Variants in SUFU observed in about 807,000 individuals in gnomAD.
The protein encoded by SUFU is suppressor of fused homolog.
SUFU carries 7 observed loss-of-function variants against 58.9 expected under a neutral mutation model. The observed-to-expected ratio is 0.12, with a 90% CI of 0.07 to 0.22. The LOEUF (loss-of-function observed/expected upper bound fraction) is 0.22, where lower values mean the gene tolerates loss of function less well. SUFU is among the 10% of genes least tolerant of loss of function. The probability of loss-of-function intolerance (pLI) is 1.00; values close to 1 mark genes in which losing one functional copy is unlikely to be tolerated. For synonymous variants in SUFU, 232 were observed against 254.8 expected, an observed-to-expected ratio of 0.91 and a Z score of 0.85; for missense variants, 451 against 641.3, an observed-to-expected ratio of 0.70 and a Z score of 3.20.
intron 3 of SUFU, among the ~76,000 whole-genome samples, chr10:102,558,452 C>G (rs1439396112): frequency 6.6e-6 from 1 of 152,228 alleles, no homozygotes; most frequent in Non-Finnish European, 1.5e-5. Context: ...CTCAAGTGCT[C>G]TACCCACTTT....
intron 3 of SUFU, among the ~76,000 whole-genome samples, chr10:102,570,192 A>C (rs1320465016): frequency 6.6e-6 from 1 of 151,794 alleles, no homozygotes; most frequent in Non-Finnish European, 1.5e-5. Context: ...CTGGGTGTGC[A>C]GTTGGTGATT....
At chr10:102,503,903 G>A (rs537977544), upstream of SUFU, 113 of 477,266 alleles carry the variant, frequency 2.4e-4, no homozygotes, top group African/African-American at 1.7e-3. Context: ...TTAGCCAATG[G>A]GTGCTTGGAT....
At chr10:102,551,559 A>T (rs2062915074) in intron 3 of SUFU, among the ~76,000 whole-genome samples, 1 of 151,336 alleles carries the variant, frequency 6.6e-6, no homozygotes, top group Non-Finnish European at 1.5e-5. Context: ...AATCGCTTGA[A>T]CGCGGGAGGC....
Position 102,571,486 on chromosome 10 carries a change from G to T in SUFU, c.455-21096G>T, listed in dbSNP as rs140046090. ...TCAAGACCAGCCTGGGCAACATGCC[G>T]AAACCCTGTCTCTACTAAAAAACAA... On this transcript the variant is annotated intron_variant, in intron 3 of 11. Coordinates refer to ENST00000369902, the MANE Select transcript of SUFU (RefSeq NM_016169.4). Among the ~76,000 whole-genome samples, 371 of 149,748 alleles carry T rather than the reference G, an allele frequency of 2.5e-3. 2 individuals carry two copies. The highest frequency in any genetic ancestry group is 4.2e-3 in the Non-Finnish European group (283 of 67,682).
At chr10:102,597,022 C>G in intron 6 of SUFU, 118 bp from the exon 7 acceptor site, 1 of 1,226,126 alleles carries the variant, frequency 8.2e-7, no homozygotes, top group Non-Finnish European at 1.2e-6. Flanking sequence ...CAGCATTTGT[C>G]CCATGCTCAG....
At chr10:102,525,043 C>T (rs1022425834) in intron 2 of SUFU, among the ~76,000 whole-genome samples, 2 of 152,188 alleles carry the variant, frequency 1.3e-5, no homozygotes, top group African/African-American at 4.8e-5. Flanking sequence ...GAGTCAGAAC[C>T]CTTCTGTGGG....
intron 3 of SUFU, among the ~76,000 whole-genome samples, chr10:102,573,477 C>A (rs79819350): frequency 8.5e-5 from 13 of 152,350 alleles, no homozygotes; most frequent in Non-Finnish European, 1.6e-4. Flanking sequence ...AGCAATCTCA[C>A]CTCTGGGTAT....
At chr10:102,508,434 T>C (rs1331576544) in intron 1 of SUFU, among the ~76,000 whole-genome samples, 1 of 152,190 alleles carries the variant, frequency 6.6e-6, no homozygotes, top group Non-Finnish European at 1.5e-5. Context: ...TCATTTACCA[T>C]CCCAGCTCTA....
intron 2 of SUFU, among the ~76,000 whole-genome samples, chr10:102,513,201 G>A (rs114420887): frequency 3.7e-4 from 57 of 152,164 alleles, no homozygotes; most frequent in African/African-American, 1.3e-3. Context: ...CACACATTTC[G>A]TAATGGTGGG....
intron 3 of SUFU, among the ~76,000 whole-genome samples, chr10:102,563,515 G>C (rs2063059308): frequency 6.6e-6 from 1 of 151,940 alleles, no homozygotes; most frequent in African/African-American, 2.4e-5. Context: ...AGCTACGAAA[G>C]CATGTTAAGG....
rs2135870571 is a variant in SUFU at position 102,593,671 on chromosome 10, C to T, written c.633C>T (p.Ala211=). ...TCTGCACTGAAGAGCTACACTCAGC[C>T]CAGCAGTGGAACGGGCAGGGCATCC... ...VGVCTEELHS[A]QQWNGQGILE... is the part of the protein sequence containing the mutation. The change falls in exon 5 of 12, where the codon GCC becomes GCT. Residue 211 remains alanine, a synonymous_variant. Coordinates refer to ENST00000369902, the MANE Select transcript of SUFU (RefSeq NM_016169.4). 1 of 1,614,222 alleles carries T rather than the reference C, an allele frequency of 6.2e-7. No individual in the cohort carries two copies. Among genetic ancestry groups the T allele is most frequent in the African/African-American group, 1.3e-5 (1 of 75,050 alleles).
intron 8 of SUFU, among the ~76,000 whole-genome samples, chr10:102,614,914 T>C (rs545509329): frequency 2.0e-5 from 3 of 150,636 alleles, no homozygotes; most frequent in African/African-American, 7.3e-5. Context: ...TGGCCAAAGA[T>C]GCAGGCTTTA....
At chr10:102,579,321 C>T (rs1039196154) in intron 3 of SUFU, among the ~76,000 whole-genome samples, 3 of 152,204 alleles carry the variant, frequency 2.0e-5, no homozygotes, top group African/African-American at 7.2e-5. Flanking sequence ...CTATCTCTAG[C>T]TAGCGAAACT....
At chr10:102,536,232 TG>T (rs1205898275) in intron 2 of SUFU, among the ~76,000 whole-genome samples, 1 of 151,956 alleles carries the variant, frequency 6.6e-6, no homozygotes, top group African/African-American at 2.4e-5. Context: ...CCCAAAGTGC[TG>T]GGATTACAGG....
intron 8 of SUFU, among the ~76,000 whole-genome samples, chr10:102,604,949 C>T (rs912791126): frequency 2.5e-5 from 3 of 120,554 alleles, no homozygotes; most frequent in Admixed American, 1.0e-4. Flanking sequence ...TTTTTTAACA[C>T]GAGGTGAAGT....
intron 2 of SUFU, among the ~76,000 whole-genome samples, chr10:102,541,152 G>C (rs1171262811): frequency 6.6e-6 from 1 of 151,830 alleles, no homozygotes; most frequent in African/African-American, 2.4e-5. Flanking sequence ...CCTCCTCATT[G>C]ATTCTGTTTC....
At position 102,549,899 on chromosome 10, in the gene SUFU, C is replaced by CT. The variant is rs2062894240; in HGVS notation, c.318-68dup. 3.8e-6 allele frequency: 6 copies of CT among 1,599,582 alleles called. No homozygotes were observed. In the Admixed American group the frequency reaches 1.0e-4, roughly 27 times the overall value. ...GAGGCCACCATAAAAAGGGGGAGAA[C>CT]TTTAGACTTTCAAGAGAGTGTTTTT... On this transcript the variant is annotated intron_variant, in intron 2 of 11. Transcript: ENST00000369902.
intron 2 of SUFU, among the ~76,000 whole-genome samples, chr10:102,527,625 A>G (rs945161014): frequency 7.9e-5 from 12 of 152,090 alleles, no homozygotes; most frequent in Admixed American, 7.9e-4. Context: ...ATCTTGTTGA[A>G]TGTCTCGGCT....
At chr10:102,569,722 G>A (rs1339456955) in intron 3 of SUFU, among the ~76,000 whole-genome samples, 1 of 152,170 alleles carries the variant, frequency 6.6e-6, no homozygotes, top group African/African-American at 2.4e-5. Context: ...GATACTCAGA[G>A]GTAAGTGCCT....
Sources: gnomAD v4.1 joint callset for allele counts (sites outside exome capture counted in the v4.1 genomes callset) on GRCh38, gnomAD v4.1.1 for gene constraint, MANE v1.5 for transcripts, NCBI Gene and HGNC (gene_info 2026-07-23, HGNC 2026-07-21) for gene names.